Variants in LASP1 observed in about 807,000 individuals in gnomAD.
The protein encoded by LASP1 is LIM and SH3 protein 1, also known as LIM and SH3 domain protein 1.
Under a neutral mutation model 38.6 loss-of-function variants are expected in LASP1, and 10 were observed. The observed-to-expected ratio is 0.26, with a 90% CI of 0.16 to 0.44. The LOEUF (loss-of-function observed/expected upper bound fraction) is 0.44, where lower values mean the gene tolerates loss of function less well. Ranked by LOEUF, LASP1 falls within the 20% of genes least tolerant of loss-of-function variation. The pLI is 1.00. For synonymous variants in LASP1, 132 were observed against 140.8 expected (o/e 0.94, Z 0.44); for missense variants, 243 against 375.7 (o/e 0.65, Z 2.92).
Position 38,920,257 on chromosome 17 carries a change from G to A in LASP1, c.*1479G>A, listed in dbSNP as rs1318146364. 2 of 436,042 alleles carry A rather than the reference G, an allele frequency of 4.6e-6. No individual in the cohort carries two copies. Among genetic ancestry groups the A allele is most frequent in the East Asian group, 4.0e-5 (1 of 24,840 alleles). 27.0% of individuals were successfully genotyped at this position (436,042 alleles called of 1,614,324 possible). A position where few individuals can be genotyped will look rare whatever the true frequency, so the allele number is the denominator to read the frequency against. On this transcript the variant is annotated 3_prime_UTR_variant, in exon 7 of 7. Coordinates refer to ENST00000318008, the MANE Select transcript of LASP1 (RefSeq NM_006148.4). Reference sequence around the variant, plus strand: ...GGGGCTACAGAATAGGGTGGCAGAAGTGTCACCCTGTGGGTGTCTCCCTCG... The same window carrying A: ...GGGGCTACAGAATAGGGTGGCAGAAATGTCACCCTGTGGGTGTCTCCCTCG...
At chr17:38,914,126 T>A (rs528461620) in intron 4 of LASP1, among the ~76,000 whole-genome samples, 199 bp from the exon 5 acceptor site, 122 of 152,348 alleles carry the variant, frequency 8.0e-4, no homozygotes, top group Non-Finnish European at 1.6e-3. Context: ...GTGTCTCATT[T>A]TGCAGAGGTG....
chr17:38,876,344 T>TATTC (rs1913776180), intron 1 of LASP1, among the ~76,000 whole-genome samples: 1 of 125,670 alleles, frequency 8.0e-6, no homozygotes, highest in Non-Finnish European at 1.6e-5. Flanking sequence ...ATACCCGGCC[T>TATTC]ATTTATTTAT....
intron 3 of LASP1, among the ~76,000 whole-genome samples, chr17:38,892,668 G>A (rs748712298): frequency 1.3e-5 from 2 of 151,884 alleles, no homozygotes; most frequent in African/African-American, 2.4e-5. Flanking sequence ...TTTTTGCCCC[G>A]GCACCCTATC....
intron 4 of LASP1, among the ~76,000 whole-genome samples, chr17:38,904,197 C>T (rs1914717570): frequency 6.6e-6 from 1 of 152,126 alleles, no homozygotes; most frequent in Non-Finnish European, 1.5e-5. Context: ...ATATAACTCC[C>T]ATGTAGTAAG....
intron 4 of LASP1, among the ~76,000 whole-genome samples, chr17:38,902,417 A>G (rs1225338366): frequency 1.8e-5 from 2 of 113,572 alleles, no homozygotes; most frequent in Non-Finnish European, 3.5e-5. Context: ...GGGTCTCACT[A>G]TGTTGTCTTA....
In LASP1 at chr17:38,895,028, G is replaced by C. The variant is rs565197057; in HGVS notation, c.250-3384G>C. ...GCTGGGATTACAGGTGTCAGCCACC[G>C]CGCCCTGCCTAAATTTTAAAAACTA... On this transcript the variant is annotated intron_variant, in intron 3 of 6. Coordinates refer to ENST00000318008, the MANE Select transcript of LASP1 (RefSeq NM_006148.4). 2.0e-5 allele frequency among the ~76,000 whole-genome samples: 3 copies of C among 151,984 alleles called. No individual in the cohort carries two copies. The South Asian group carries it at 6.2e-4, about 32-fold the overall frequency.
chr17:38,914,807 C>T (rs1302279578), intron 5 of LASP1, among the ~76,000 whole-genome samples: 2 of 152,172 alleles, frequency 1.3e-5, no homozygotes, highest in East Asian at 3.9e-4. Context: ...CAGGGTCAGG[C>T]CTGTACTGGG....
chr17:38,875,960 G>A (rs1160010420), intron 1 of LASP1, among the ~76,000 whole-genome samples: 1 of 152,108 alleles, frequency 6.6e-6, no homozygotes, highest in Non-Finnish European at 1.5e-5. Flanking sequence ...ACTGGGAAAT[G>A]GGGCAGGGAC....
At position 38,918,701 on chromosome 17, in the gene LASP1, G is replaced by A. The variant is rs1260357693; in HGVS notation, c.709G>A (p.Asp237Asn). The change falls in exon 7 of 7, where the codon GAC (aspartate) becomes AAC (asparagine). Residue 237 changes from aspartate (D) to asparagine (N), a missense_variant. This residue lies in a region of LASP1 where 165 missense variants were observed against 210.3 expected (regional missense o/e 0.78). Transcript: ENST00000318008. The surrounding 1 kb of genome is among the most constrained non-coding windows in gnomAD (Gnocchi z 4.4). ...CATCGTCAACGTGCAGCAGATCGAC[G>A]ACGGCTGGATGTACGGGACGGTGGA... ...DTIVNVQQIDDGWMYGTVERT... is the reference protein window; with the variant it reads ...DTIVNVQQIDNGWMYGTVERT... 26 of 1,613,996 alleles carry A rather than the reference G, an allele frequency of 1.6e-5. No individual in the cohort carries two copies. Among genetic ancestry groups the A allele is most frequent in the Non-Finnish European group, 2.2e-5 (26 of 1,179,992 alleles).
At chr17:38,876,487 A>T (rs1567694747) in intron 1 of LASP1, among the ~76,000 whole-genome samples, 1 of 151,858 alleles carries the variant, frequency 6.6e-6, no homozygotes, top group African/African-American at 2.4e-5. Context: ...CAGCCTCCCG[A>T]GTAGCTGGGA....
rs187591243 is a variant in LASP1, at chr17:38,913,563, G to A, written c.358-762G>A. Among the ~76,000 whole-genome samples the A allele has an allele frequency of 2.8e-3, 423 of 152,264 alleles. 2 individuals are homozygous for A. Among genetic ancestry groups the A allele is most frequent in the Non-Finnish European group, 4.1e-3 (279 of 68,016 alleles). On this transcript the variant is annotated intron_variant, in intron 4 of 6. Coordinates refer to ENST00000318008, the MANE Select transcript of LASP1 (RefSeq NM_006148.4). Reference sequence around the variant, plus strand: ...TGGGGTCTGCAATCTACCCCTCAGGGGCGCTGACGAGCTCACATGAGCCTG... The same window carrying A: ...TGGGGTCTGCAATCTACCCCTCAGGAGCGCTGACGAGCTCACATGAGCCTG...
chr17:38,898,868 G>T (rs370073761), intron 4 of LASP1: 17 of 411,462 alleles, frequency 4.1e-5, no homozygotes, highest in African/African-American at 3.5e-4. Context: ...AAACTGGGGG[G>T]CGGGGAGCAC....
Position 38,921,335 on chromosome 17 carries a change from G to A in LASP1, c.*2557G>A, listed in dbSNP as rs1259425847. 8.6e-6 allele frequency: 2 copies of A among 232,088 alleles called. No individual in the cohort carries two copies. Among genetic ancestry groups the A allele is most frequent in the Admixed American group, 5.6e-5 (1 of 17,704 alleles). 14.4% of individuals were successfully genotyped at this position (232,088 alleles called of 1,614,324 possible). A position where few individuals can be genotyped will look rare whatever the true frequency, so the allele number is the denominator to read the frequency against. On this transcript the variant is annotated 3_prime_UTR_variant, in exon 7 of 7. Transcript: ENST00000318008. ...TAAGAATAACAAGAAGCCCAGTGGT[G>A]AGGAAAGTGCGTTCTCCCAGCACTG...
At chr17:38,872,686 C>T (rs760181657) in intron 1 of LASP1, among the ~76,000 whole-genome samples, 2 of 152,078 alleles carry the variant, frequency 1.3e-5, no homozygotes, top group Non-Finnish European at 2.9e-5. Flanking sequence ...CTTCCCAAGG[C>T]CTCCCATTTA....
intron 3 of LASP1, among the ~76,000 whole-genome samples, chr17:38,894,414 G>A (rs1266569311): frequency 6.6e-6 from 1 of 152,202 alleles, no homozygotes; most frequent in Non-Finnish European, 1.5e-5. Flanking sequence ...GCTGGCCTGA[G>A]ATTGAATCTC....
chr17:38,875,413 G>A (rs576695576), intron 1 of LASP1, among the ~76,000 whole-genome samples: 4 of 152,134 alleles, frequency 2.6e-5, no homozygotes, highest in Admixed American at 6.5e-5. Flanking sequence ...TTAGTGTCCC[G>A]GTGGGTTCTG....
chr17:38,919,454 G>A lies in LASP1; in HGVS notation c.*676G>A, dbSNP rs552173173. On this transcript the variant is annotated 3_prime_UTR_variant, in exon 7 of 7. Coordinates refer to ENST00000318008, the MANE Select transcript of LASP1 (RefSeq NM_006148.4). The stretch of plus-strand genomic sequence containing the variant: ...CACGCAGACCTGCAGCGGGCAAAGA[G>A]CTCCCGAGGAAGCACAGCTTGGGTC... The A allele has an allele frequency of 6.2e-5, 15 of 242,056 alleles. No homozygotes were observed. Among genetic ancestry groups the A allele is most frequent in the Non-Finnish European group, 1.1e-4 (13 of 122,538 alleles). 15.0% of individuals were successfully genotyped at this position (242,056 alleles called of 1,614,324 possible).
intron 1 of LASP1, among the ~76,000 whole-genome samples, chr17:38,875,933 G>A (rs1913757722): frequency 6.6e-6 from 1 of 152,142 alleles, no homozygotes; most frequent in Non-Finnish European, 1.5e-5. Flanking sequence ...TTGGAATGGG[G>A]AATGTCTCCC....
chr17:38,900,197 C>CA (rs56008544), intron 4 of LASP1, among the ~76,000 whole-genome samples: 22,128 of 67,698 alleles, frequency 0.33, 3,948 homozygotes, highest in Non-Finnish European at 0.4. Context: ...ACTGTTTCTA[C>CA]AAAAAAAAAA....
Sources: gnomAD v4.1 joint callset for allele counts (sites outside exome capture counted in the v4.1 genomes callset) on GRCh38, gnomAD v4.1.1 for gene constraint, gnomAD v4.1.1 regional missense constraint, Gnocchi (gnomAD v3.1) non-coding constraint, MANE v1.5 for transcripts, NCBI Gene and HGNC (gene_info 2026-07-23, HGNC 2026-07-21) for gene names.